NAE1: variants seen among roughly 807,000 people sequenced by gnomAD.
NAE1 encodes NEDD8-activating enzyme E1 regulatory subunit.
Under a neutral mutation model 88.0 loss-of-function variants are expected in NAE1, and 59 were observed. That is an observed-to-expected ratio of 0.67 (90% CI 0.54 to 0.83). NAE1 has a LOEUF of 0.83. Among genes scored for constraint, NAE1 ranks in the 40% least tolerant of loss-of-function variants. NAE1 has a pLI of 0.00. For synonymous variants in NAE1, 186 were observed against 208.9 expected, an observed-to-expected ratio of 0.89 and a Z score of 0.95; for missense variants, 554 against 632.8, an observed-to-expected ratio of 0.88 and a Z score of 1.34.
Position 66,813,811 on chromosome 16 carries a change from A to G in NAE1, c.876T>C (p.Asp292=), listed in dbSNP as rs1325183758. The part of the protein sequence containing the change: ...PSSIEDIFND[D]RCINITKQTP... ...CCTGTTTGGTGATATTTATGCAGCG[A>G]TCATCATTAAATATATCTTCAATAC... Residue 292 remains aspartate, a synonymous_variant, in exon 12 of 20, where the codon GAT becomes GAC. Transcript: ENST00000290810. The G allele has an allele frequency of 6.2e-7, 1 of 1,613,850 alleles. No individual in the cohort carries two copies. Among genetic ancestry groups the G allele is most frequent in the Admixed American group, 1.7e-5 (1 of 60,010 alleles).
chr16:66,822,542 G>A (rs1960306379), intron 6 of NAE1, among the ~76,000 whole-genome samples: 1 of 151,958 alleles, frequency 6.6e-6, no homozygotes, highest in South Asian at 2.1e-4. Flanking sequence ...CTGCACTCCA[G>A]CCTGAGCAAC....
intron 17 of NAE1, 171 bp from the exon 18 acceptor site, chr16:66,806,197 G>T: frequency 1.5e-6 from 1 of 685,104 alleles, no homozygotes; most frequent in East Asian, 3.4e-5. Context: ...TATAATCAGA[G>T]ACCAACTAAA....
At chr16:66,823,143 A>G (rs1055755193) in intron 6 of NAE1, 84 bp downstream of exon 6, 3 of 706,214 alleles carry the variant, frequency 4.2e-6, no homozygotes, top group South Asian at 3.9e-5. Flanking sequence ...TTTTAAAACC[A>G]TATCATCATA....
intron 1 of NAE1, among the ~76,000 whole-genome samples, chr16:66,828,773 C>T (rs1960573415): frequency 1.3e-5 from 2 of 152,098 alleles, no homozygotes; most frequent in Admixed American, 1.3e-4. Flanking sequence ...AGGAGGATCA[C>T]TTGAGTGCAG....
At chr16:66,824,571 G>T (rs1433090601) in intron 4 of NAE1, 3 of 211,588 alleles carry the variant, frequency 1.4e-5, no homozygotes, top group African/African-American at 7.1e-5. Context: ...CAGCCTGGGG[G>T]ACAGAGCGAG....
rs377197078 is a variant in NAE1, at chr16:66,813,619, C to G, written c.979G>C (p.Gly327Arg). The G allele has an allele frequency of 5.0e-6, 8 of 1,613,806 alleles. No individual in the cohort carries two copies. The highest frequency in any genetic ancestry group is 6.8e-6 in the Non-Finnish European group (8 of 1,179,928). ...KEGQGNLPVR[G>R]TIPDMIADSG... is the part of the protein sequence containing the mutation. ...TCTGCAATCATATCAGGAATTGTGC[C>G]TCGAACAGGTAAATTTCCTTGACCC... Residue 327 changes from glycine to arginine, a missense_variant, in exon 13 of 20, where the codon GGC becomes CGC. Transcript: ENST00000290810.
rs938725819 is a variant in NAE1, at chr16:66,823,592, A to C, written c.258T>G (p.Ala86=). 4 of 1,590,208 alleles carry C rather than the reference A, an allele frequency of 2.5e-6. No homozygotes were observed. The highest frequency in any genetic ancestry group is 3.4e-6 in the Non-Finnish European group (4 of 1,174,082). ...LQRSSIGKNR[A]EAAMEFLQEL... ...CTTGTAAGAATTCCATGGCAGCTTC[A>C]GCTCGGTTCTTTTTAAAAACAAAGC... The change falls in exon 5 of 20, where the codon GCT becomes GCG. Residue 86 remains alanine, a synonymous_variant. Coordinates refer to ENST00000290810, the MANE Select transcript of NAE1 (RefSeq NM_003905.4).
chr16:66,825,223 G>A (rs1334876397), intron 3 of NAE1, among the ~76,000 whole-genome samples: 6 of 152,138 alleles, frequency 3.9e-5, no homozygotes, highest in Non-Finnish European at 7.4e-5. Flanking sequence ...CGAGGTGGGC[G>A]GATCACGAAG....
At chr16:66,810,554 T>A in intron 14 of NAE1, 141 bp from the exon 15 acceptor site, 1 of 1,083,362 alleles carries the variant, frequency 9.2e-7, no homozygotes, top group Admixed American at 2.2e-5. Context: ...TGTTTCCTTA[T>A]CACAAGCTAT....
intron 11 of NAE1, 114 bp from the exon 12 acceptor site, chr16:66,813,960 C>T (rs1020221072): frequency 5.1e-6 from 5 of 985,306 alleles, no homozygotes; most frequent in Non-Finnish European, 7.6e-6. Context: ...TAATCAAATA[C>T]AAACTTCTGA....
rs1357713217 is a variant in NAE1 at position 66,810,389 on chromosome 16, C to A, written c.1135G>T (p.Glu379Ter). ...GQAPESISEKELKLLCSNSAF... is the reference protein window; with the variant it reads ...GQAPESISEK ...GGGGACTTACAGAGTAATTTTAATT[C>A]TTTCTCTGAAATGGACTCTGGTGCC... Residue 379 changes from glutamate (E) to a stop codon, truncating the protein, a stop_gained, in exon 15 of 20, where the codon GAA (glutamate) becomes TAA (stop). Coordinates refer to ENST00000290810, the MANE Select transcript of NAE1 (RefSeq NM_003905.4). LOFTEE classifies it high-confidence loss of function. 6.2e-7 allele frequency: 1 copy of A among 1,600,082 alleles called. No individual in the cohort carries two copies. The highest frequency in any genetic ancestry group is 8.6e-7 in the Non-Finnish European group (1 of 1,169,412).
intron 1 of NAE1, 83 bp downstream of exon 1, chr16:66,830,764 A>G: frequency 7.4e-7 from 1 of 1,350,954 alleles, no homozygotes; most frequent in Non-Finnish European, 1.0e-6. Flanking sequence ...GGAAGGCCCG[A>G]CCGCGCCGCC....
chr16:66,830,137 T>G (rs1320490759), intron 1 of NAE1, among the ~76,000 whole-genome samples: 1 of 152,198 alleles, frequency 6.6e-6, no homozygotes, highest in African/African-American at 2.4e-5. Context: ...TCCGCCCGCT[T>G]CGGCCTCCCA....
intron 3 of NAE1, 137 bp from the exon 4 acceptor site, chr16:66,825,022 G>C (rs1353681395): frequency 2.0e-6 from 1 of 496,166 alleles, no homozygotes; most frequent in African/African-American, 2.0e-5. Flanking sequence ...GGCCTTCCTG[G>C]AGGAAGAAAA....
chr16:66,807,375 C>G (rs1196242994), intron 17 of NAE1, among the ~76,000 whole-genome samples: 1 of 152,116 alleles, frequency 6.6e-6, no homozygotes, highest in Non-Finnish European at 1.5e-5. Flanking sequence ...CGCAGTGGCT[C>G]ATGCGTGTAA....
At chr16:66,828,356 T>G (rs139096303) in intron 1 of NAE1, among the ~76,000 whole-genome samples, 1 of 151,976 alleles carries the variant, frequency 6.6e-6, no homozygotes, top group African/African-American at 2.4e-5. Context: ...CCAGGCACAG[T>G]GGCACGCACC....
chr16:66,807,235 GGTTT>G (rs1443308994), intron 17 of NAE1, among the ~76,000 whole-genome samples: 4 of 152,130 alleles, frequency 2.6e-5, no homozygotes, highest in Non-Finnish European at 5.9e-5. Context: ...GTTTTGAAGT[GGTTT>G]GTTATGCAAC....
chr16:66,811,235 G>A (rs1328541996), intron 13 of NAE1, among the ~76,000 whole-genome samples: 1 of 152,072 alleles, frequency 6.6e-6, no homozygotes, highest in Non-Finnish European at 1.5e-5. Flanking sequence ...CTGGCTCACT[G>A]CAGCCTCAAC....
At chr16:66,814,642 G>T (rs1454576383) in intron 11 of NAE1, among the ~76,000 whole-genome samples, 1 of 150,334 alleles carries the variant, frequency 6.7e-6, no homozygotes, top group Non-Finnish European at 1.5e-5. Flanking sequence ...TCATAGGCTT[G>T]GATTCTACTG....
Sources: allele counts gnomAD v4.1 joint callset (sites outside exome capture counted in the v4.1 genomes callset), GRCh38; gene constraint gnomAD v4.1.1; transcripts MANE v1.5; gene names NCBI Gene and HGNC (gene_info 2026-07-23, HGNC 2026-07-21).